Variants in ZC3H12B observed in about 807,000 individuals in gnomAD.
ZC3H12B encodes the protein probable ribonuclease ZC3H12B.
A neutral mutation model predicts 43.9 loss-of-function variants in ZC3H12B; 7 were observed. The observed-to-expected ratio is 0.16, with a 90% CI of 0.09 to 0.30. The LOEUF (loss-of-function observed/expected upper bound fraction) is 0.30, where lower values mean the gene tolerates loss of function less well. Among genes scored for constraint, ZC3H12B ranks in the 10% least tolerant of loss-of-function variants. The pLI is 1.00. For synonymous variants in ZC3H12B, 222 were observed against 241.7 expected, an observed-to-expected ratio of 0.92 and a Z score of 0.76; for missense variants, 475 against 670.2, an observed-to-expected ratio of 0.71 and a Z score of 3.22.
chrX:65,351,731 G>A, the ZC3H12B span, among the ~76,000 whole-genome samples: 4 of 112,506 alleles, frequency 3.6e-5, no homozygotes, highest in Non-Finnish European at 5.6e-5. Context: ...CATCATCACC[G>A]GTCGTTAGAG....
At chrX:65,140,265 C>T in the ZC3H12B span, among the ~76,000 whole-genome samples, 3 of 110,899 alleles carry the variant, frequency 2.7e-5, no homozygotes, top group Admixed American at 9.6e-5. Context: ...CTTGTGGTAC[C>T]TCCCTTCTAT....
chrX:65,386,462 A>G (rs145785463), intron 2 of ZC3H12B, among the ~76,000 whole-genome samples: 7,266 of 111,332 alleles, frequency 0.065, 277 homozygotes, highest in Non-Finnish European at 0.11. Flanking sequence ...CTCTGATGGT[A>G]GTTTGTATTT....
At chrX:65,253,263 GTC>G in the ZC3H12B span, among the ~76,000 whole-genome samples, 1 of 112,297 alleles carries the variant, frequency 8.9e-6, no homozygotes, top group Non-Finnish European at 1.9e-5. Flanking sequence ...CCCTGCATAA[GTC>G]TCTCATGCAC....
the ZC3H12B span, among the ~76,000 whole-genome samples, chrX:65,195,038 A>G: frequency 1.0e-5 from 1 of 98,868 alleles, no homozygotes; most frequent in African/African-American, 3.7e-5. Flanking sequence ...CTTTATTTTC[A>G]GTCTAGTGTG....
chrX:65,245,396 G>A, the ZC3H12B span, among the ~76,000 whole-genome samples: 3 of 111,508 alleles, frequency 2.7e-5, no homozygotes, highest in Non-Finnish European at 5.6e-5. Flanking sequence ...TAACAGAAAA[G>A]CTGCAGGCCA....
At chrX:65,338,650 A>G in the ZC3H12B span, among the ~76,000 whole-genome samples, 1 of 112,333 alleles carries the variant, frequency 8.9e-6, no homozygotes, top group Non-Finnish European at 1.9e-5. Flanking sequence ...CAGCACATCA[A>G]AAACTTAATT....
chrX:65,296,726 C>A, the ZC3H12B span, among the ~76,000 whole-genome samples: 1 of 110,933 alleles, frequency 9.0e-6, no homozygotes, highest in African/African-American at 3.3e-5. Flanking sequence ...AGACCAATAT[C>A]CCTGATGAAG....
At chrX:65,207,543 T>C in the ZC3H12B span, among the ~76,000 whole-genome samples, 2 of 110,675 alleles carry the variant, frequency 1.8e-5, no homozygotes, top group African/African-American at 6.6e-5. Flanking sequence ...TGTACACTGC[T>C]GGGGTGATGG....
At chrX:65,179,255 C>T in the ZC3H12B span, among the ~76,000 whole-genome samples, 86 of 104,043 alleles carry the variant, frequency 8.3e-4, no homozygotes, top group African/African-American at 2.5e-3. Flanking sequence ...TGGGGCCTGT[C>T]GGGGTGTTGG....
the ZC3H12B span, among the ~76,000 whole-genome samples, chrX:65,169,916 C>T: frequency 9.0e-6 from 1 of 111,666 alleles, no homozygotes; most frequent in African/African-American, 3.3e-5. Flanking sequence ...TTATTTTGAG[C>T]CTATGTGTGT....
At chrX:65,289,230 G>A in the ZC3H12B span, among the ~76,000 whole-genome samples, 1 of 110,704 alleles carries the variant, frequency 9.0e-6, no homozygotes, top group East Asian at 2.8e-4. Context: ...CACAACGTTA[G>A]AAAAAAGAAA....
chrX:65,098,990 TCTCA>T, the ZC3H12B span, among the ~76,000 whole-genome samples: 8 of 111,559 alleles, frequency 7.2e-5, no homozygotes, highest in South Asian at 3.7e-4. Flanking sequence ...GGCTTGAAAT[TCTCA>T]CTGTCGGCAG....
At chrX:65,392,666 G>A (rs1346861268) in intron 2 of ZC3H12B, among the ~76,000 whole-genome samples, 2 of 112,236 alleles carry the variant, frequency 1.8e-5, no homozygotes, top group South Asian at 3.7e-4. Flanking sequence ...CATCTGGGGG[G>A]TGGGGGGCCC....
intron 2 of ZC3H12B, 77 bp from the exon 8 acceptor site, chrX:65,498,922 C>T: frequency 2.4e-6 from 2 of 849,967 alleles, no homozygotes. Flanking sequence ...CCAACTTTTG[C>T]ATTTTTAATA....
intron 2 of ZC3H12B, among the ~76,000 whole-genome samples, chrX:65,380,460 C>T (rs2066420316): frequency 9.0e-6 from 1 of 111,370 alleles, no homozygotes; most frequent in Admixed American, 9.6e-5. Context: ...GAAGGAAGCG[C>T]TAAACATGGA....
At chrX:65,286,631 C>T in the ZC3H12B span, among the ~76,000 whole-genome samples, 1 of 110,302 alleles carries the variant, frequency 9.1e-6, no homozygotes, top group Admixed American at 9.6e-5. Context: ...ATAATACATA[C>T]CTATACATAT....
At chrX:65,363,808 G>A (rs771897593), upstream of ZC3H12B, among the ~76,000 whole-genome samples, 1 of 111,773 alleles carries the variant, frequency 8.9e-6, no homozygotes, top group South Asian at 3.8e-4. Context: ...CACAAACTAT[G>A]CTCAACTCAC....
At chrX:65,456,654 G>A (rs2067619435) in intron 3 of ZC3H12B, among the ~76,000 whole-genome samples, 1 of 107,266 alleles carries the variant, frequency 9.3e-6, no homozygotes, top group Non-Finnish European at 1.9e-5. Context: ...GTGTTGGCCG[G>A]GCTGGTCTCC....
chrX:65,112,953 T>C, the ZC3H12B span, among the ~76,000 whole-genome samples: 1 of 111,743 alleles, frequency 8.9e-6, no homozygotes, highest in Non-Finnish European at 1.9e-5. Flanking sequence ...CTTGGAAAAA[T>C]AAATTGAAAA....
Sources: allele counts gnomAD v4.1 joint callset (sites outside exome capture counted in the v4.1 genomes callset), GRCh38; gene constraint gnomAD v4.1.1; transcripts MANE v1.5; gene names NCBI Gene and HGNC (gene_info 2026-07-23, HGNC 2026-07-21).